SLC4A4: variants seen among roughly 807,000 people sequenced by gnomAD.
SLC4A4 encodes the protein solute carrier family 4 member 4, also known as electrogenic sodium bicarbonate cotransporter 1.
In SLC4A4, 27 loss-of-function variants were observed where a neutral mutation model predicts 111.5. That is an observed-to-expected ratio of 0.24 (90% confidence interval 0.18 to 0.33). The LOEUF (loss-of-function observed/expected upper bound fraction) is 0.33, where lower values mean the gene tolerates loss of function less well. Ranked by LOEUF, SLC4A4 falls within the 10% of genes least tolerant of loss-of-function variation. The pLI, the probability that SLC4A4 is intolerant of heterozygous loss-of-function variation, is 1.00. For missense variants in SLC4A4, 909 were observed against 1,315.5 expected (o/e 0.69, Z 4.78); for synonymous variants, 443 against 463.4 (o/e 0.96, Z 0.57).
chr4:71,229,809 G>A (rs1010455520), intron 1 of SLC4A4, among the ~76,000 whole-genome samples: 2 of 145,550 alleles, frequency 1.4e-5, no homozygotes, highest in South Asian at 2.3e-4. Context: ...GAGCCCCTGC[G>A]AAGTTTTTTT....
chr4:71,309,943 T>C (rs754807520), intron 3 of SLC4A4, among the ~76,000 whole-genome samples: 1 of 151,744 alleles, frequency 6.6e-6, no homozygotes, highest in Non-Finnish European at 1.5e-5. Context: ...TGACAAAAGG[T>C]TACAGGAACT....
At chr4:71,097,099 T>G (rs189261345) in intron 2 of SLC4A4, among the ~76,000 whole-genome samples, 15 of 152,326 alleles carry the variant, frequency 9.8e-5, no homozygotes, top group African/African-American at 3.4e-4. Flanking sequence ...GGGGGTTTTT[T>G]GTACAGATTA....
At chr4:71,445,580 T>G (rs976222008) in intron 8 of SLC4A4, among the ~76,000 whole-genome samples, 8 of 152,134 alleles carry the variant, frequency 5.3e-5, no homozygotes, top group African/African-American at 1.7e-4. Flanking sequence ...TATTTAAAAA[T>G]GTACTAAGGA....
intron 16 of SLC4A4, among the ~76,000 whole-genome samples, chr4:71,509,797 C>G (rs531717592): frequency 6.6e-6 from 1 of 152,048 alleles, no homozygotes; most frequent in Non-Finnish European, 1.5e-5. Flanking sequence ...TGAAGATGCC[C>G]CATGGGTTTG....
intron 2 of SLC4A4, among the ~76,000 whole-genome samples, chr4:71,135,498 G>A (rs1426676897): frequency 6.6e-6 from 1 of 151,984 alleles, no homozygotes; most frequent in African/African-American, 2.4e-5. Context: ...ATTTTACCAT[G>A]TTGGCCAGGC....
chr4:71,209,132 A>G (rs547231262), intron 1 of SLC4A4, among the ~76,000 whole-genome samples: 77 of 152,252 alleles, frequency 5.1e-4, no homozygotes, highest in Non-Finnish European at 9.0e-4. Flanking sequence ...GTTACTTTAT[A>G]TGACAAGGGC....
intron 2 of SLC4A4, among the ~76,000 whole-genome samples, chr4:71,094,887 G>A (rs1056150978): frequency 1.1e-4 from 17 of 152,068 alleles, no homozygotes; most frequent in African/African-American, 3.4e-4. Flanking sequence ...GTTGATTTTT[G>A]TTATATATAT....
intron 16 of SLC4A4, among the ~76,000 whole-genome samples, chr4:71,528,813 A>G (rs1368795613): frequency 6.6e-6 from 1 of 152,092 alleles, no homozygotes; most frequent in African/African-American, 2.4e-5. Context: ...AAAAGTGGAA[A>G]AATCAAAATA....
intron 2 of SLC4A4, among the ~76,000 whole-genome samples, chr4:71,129,890 C>T (rs931602888): frequency 1.3e-5 from 2 of 150,162 alleles, no homozygotes; most frequent in Non-Finnish European, 3.0e-5. Context: ...AACAGAAAAC[C>T]AAATATTGCC....
At chr4:71,382,990 A>C (rs1389220370) in intron 6 of SLC4A4, among the ~76,000 whole-genome samples, 2 of 152,128 alleles carry the variant, frequency 1.3e-5, no homozygotes, top group East Asian at 3.9e-4. Flanking sequence ...GATTTTTTTA[A>C]ATGCACCTTT....
chr4:71,084,246 A>C (rs752102749), intron 1 of SLC4A4, among the ~76,000 whole-genome samples: 8 of 152,006 alleles, frequency 5.3e-5, no homozygotes, highest in Non-Finnish European at 1.2e-4. Flanking sequence ...GATCGCCTTG[A>C]AGTATAGTCT....
chr4:71,122,580 G>A (rs902504759), intron 2 of SLC4A4, among the ~76,000 whole-genome samples: 2 of 151,538 alleles, frequency 1.3e-5, no homozygotes, highest in African/African-American at 2.4e-5. Flanking sequence ...GAGATGCCAG[G>A]TTTAAAAAAA....
At chr4:71,156,185 G>T (rs532055042) in intron 2 of SLC4A4, among the ~76,000 whole-genome samples, 1 of 152,340 alleles carries the variant, frequency 6.6e-6, no homozygotes, top group South Asian at 2.1e-4. Context: ...CAAGGAGGCT[G>T]TTGTGGTGGG....
At chr4:71,118,877 G>C (rs544717181) in intron 2 of SLC4A4, among the ~76,000 whole-genome samples, 22 of 152,296 alleles carry the variant, frequency 1.4e-4, no homozygotes, top group African/African-American at 4.3e-4. Flanking sequence ...GGTTGGGAGA[G>C]CAGACAGTGA....
At chr4:71,266,075 G>A (rs1722233780) in intron 3 of SLC4A4, among the ~76,000 whole-genome samples, 1 of 152,198 alleles carries the variant, frequency 6.6e-6, no homozygotes, top group Non-Finnish European at 1.5e-5. Context: ...CTAAGGTCCA[G>A]CTTTAACAAA....
At chr4:71,186,091 C>G (rs1218417101), upstream of SLC4A4, among the ~76,000 whole-genome samples, 1 of 152,134 alleles carries the variant, frequency 6.6e-6, no homozygotes, top group Non-Finnish European at 1.5e-5. Flanking sequence ...ACTTATGATT[C>G]AATAGTTTAC....
chr4:71,514,393 G>A (rs897190280), intron 16 of SLC4A4, among the ~76,000 whole-genome samples: 1 of 152,256 alleles, frequency 6.6e-6, no homozygotes, highest in African/African-American at 2.4e-5. Context: ...CATTATGATT[G>A]TAAGTTTCCT....
At position 71,553,662 on chromosome 4, in the gene SLC4A4, G is replaced by A. The variant is rs1023824888; in HGVS notation, c.2695-1478G>A. Among the ~76,000 whole-genome samples the A allele has an allele frequency of 1.4e-4, 19 of 140,580 alleles. 1 individual carries two copies. Among genetic ancestry groups the A allele is most frequent in the Admixed American group, 1.2e-3 (16 of 13,200 alleles). The allele number at this position is 140,580 out of a possible 152,430, so 92.2% of individuals were successfully genotyped here. Reference sequence around the variant, plus strand: ...GGAGATGTTTAAAAAATGAATCAAAGCTATGCAATGATCCTTCTCTTAGTT... The same window carrying A: ...GGAGATGTTTAAAAAATGAATCAAAACTATGCAATGATCCTTCTCTTAGTT... On this transcript the variant is annotated intron_variant, in intron 20 of 25. Transcript: ENST00000264485.
At chr4:71,550,541 T>C (rs7685152) in intron 20 of SLC4A4, among the ~76,000 whole-genome samples, 34,989 of 151,778 alleles carry the variant, frequency 0.23, 4,197 homozygotes, top group East Asian at 0.41. Context: ...TAGGAAACCT[T>C]TTTTCCTCCC....
Sources: allele counts gnomAD v4.1 joint callset (sites outside exome capture counted in the v4.1 genomes callset), GRCh38; gene constraint gnomAD v4.1.1; transcripts MANE v1.5; gene names NCBI Gene and HGNC (gene_info 2026-07-23, HGNC 2026-07-21).